PGCKA1: variants seen among roughly 807,000 people sequenced by gnomAD.
PGCKA1 encodes the protein PDCD10 and GCKIII kinases-associated protein 1.
At chr4:37,468,096 G>A in the PGCKA1 span, among the ~76,000 whole-genome samples, 1 of 152,148 alleles carries the variant, frequency 6.6e-6, no homozygotes, top group Non-Finnish European at 1.5e-5. Flanking sequence ...CCAATATCCC[G>A]AACTTCCGGA....
chr4:37,454,815 G>A, the PGCKA1 span, among the ~76,000 whole-genome samples: 1 of 152,128 alleles, frequency 6.6e-6, no homozygotes, highest in Non-Finnish European at 1.5e-5. Flanking sequence ...ACCCCAGCAT[G>A]GCAATTGACC....
the PGCKA1 span, among the ~76,000 whole-genome samples, chr4:37,578,790 C>T: frequency 3.9e-5 from 6 of 152,076 alleles, no homozygotes; most frequent in Non-Finnish European, 5.9e-5. Context: ...TGGCCTGGTG[C>T]GGTGGCCTGT....
At chr4:37,473,819 T>C in the PGCKA1 span, among the ~76,000 whole-genome samples, 1 of 152,114 alleles carries the variant, frequency 6.6e-6, no homozygotes, top group African/African-American at 2.4e-5. Context: ...GATACCCAAA[T>C]GCCTTTCTCC....
At chr4:37,542,535 A>G in the PGCKA1 span, among the ~76,000 whole-genome samples, 1 of 152,204 alleles carries the variant, frequency 6.6e-6, no homozygotes, top group African/African-American at 2.4e-5. Flanking sequence ...AAGAACGTGT[A>G]GATCAGCACT....
the PGCKA1 span, among the ~76,000 whole-genome samples, chr4:37,592,688 C>T: frequency 2.6e-5 from 4 of 151,798 alleles, no homozygotes; most frequent in African/African-American, 7.2e-5. Context: ...TGATTTCCAG[C>T]TTTGCCATGT....
chr4:37,468,277 G>A, the PGCKA1 span, among the ~76,000 whole-genome samples: 2 of 152,174 alleles, frequency 1.3e-5, no homozygotes, highest in East Asian at 3.9e-4. Context: ...TTGACTATGG[G>A]CGTGGAGCAG....
the PGCKA1 span, among the ~76,000 whole-genome samples, chr4:37,548,733 G>T: frequency 2.6e-5 from 4 of 152,036 alleles, no homozygotes; most frequent in Non-Finnish European, 5.9e-5. Flanking sequence ...AGCTTTCTTT[G>T]GTCTAAAAAC....
chr4:37,471,310 A>G, the PGCKA1 span, among the ~76,000 whole-genome samples: 1 of 151,712 alleles, frequency 6.6e-6, no homozygotes, highest in African/African-American at 2.4e-5. Flanking sequence ...ATTGGCTGAA[A>G]CCCAGCTATT....
At chr4:37,469,674 TTA>T in the PGCKA1 span, among the ~76,000 whole-genome samples, 11 of 152,318 alleles carry the variant, frequency 7.2e-5, no homozygotes, top group African/African-American at 1.9e-4. Flanking sequence ...CTGGAAAATT[TTA>T]TGTTTCTCAT....
the PGCKA1 span, among the ~76,000 whole-genome samples, chr4:37,568,980 G>T: frequency 6.6e-6 from 1 of 151,720 alleles, no homozygotes; most frequent in Non-Finnish European, 1.5e-5. Flanking sequence ...GCATGTAGTT[G>T]CAGCTACTCA....
the PGCKA1 span, among the ~76,000 whole-genome samples, chr4:37,585,579 G>A: frequency 4.9e-4 from 14 of 28,538 alleles, no homozygotes; most frequent in South Asian, 1.9e-3. Context: ...GAGAGGAGAG[G>A]TGTTGAGGGA....
chr4:37,539,044 C>G, the PGCKA1 span, among the ~76,000 whole-genome samples: 2,719 of 152,238 alleles, frequency 0.018, 53 homozygotes, highest in Middle Eastern at 0.065. Flanking sequence ...GCACTCGCAC[C>G]TGAATGTGTG....
At chr4:37,455,979 G>C in the PGCKA1 span, among the ~76,000 whole-genome samples, 2 of 152,010 alleles carry the variant, frequency 1.3e-5, no homozygotes, top group Non-Finnish European at 2.9e-5. Context: ...AATTTTTCTG[G>C]TAACCCTGAA....
At chr4:37,511,110 T>G in the PGCKA1 span, among the ~76,000 whole-genome samples, 7 of 151,982 alleles carry the variant, frequency 4.6e-5, no homozygotes, top group African/African-American at 1.4e-4. Context: ...GCAGCGGACT[T>G]TTTCTATCCC....
chr4:37,510,314 T>G, the PGCKA1 span, among the ~76,000 whole-genome samples: 2 of 152,124 alleles, frequency 1.3e-5, no homozygotes, highest in Non-Finnish European at 2.9e-5. Context: ...GTATTTATTA[T>G]AGTCTTTGCT....
the PGCKA1 span, among the ~76,000 whole-genome samples, chr4:37,539,139 G>A: frequency 3.9e-5 from 6 of 152,140 alleles, no homozygotes; most frequent in Non-Finnish European, 5.9e-5. Flanking sequence ...GCCCCCAGCC[G>A]ACCCTGTGAA....
chr4:37,535,247 G>A, the PGCKA1 span, among the ~76,000 whole-genome samples: 3 of 152,312 alleles, frequency 2.0e-5, no homozygotes, highest in East Asian at 5.8e-4. Context: ...CGAGGGCTGG[G>A]CGTGGTGGCT....
chr4:37,489,188 G>C, the PGCKA1 span, among the ~76,000 whole-genome samples: 4 of 152,158 alleles, frequency 2.6e-5, no homozygotes, highest in African/African-American at 7.2e-5. Flanking sequence ...ATAATATGAT[G>C]TCTGTAGTTA....
chr4:37,458,346 C>T, the PGCKA1 span, among the ~76,000 whole-genome samples: 30 of 151,908 alleles, frequency 2.0e-4, no homozygotes, highest in African/African-American at 7.0e-4. Context: ...TGAGAAATTA[C>T]TTATATATTC....
Sources: allele counts gnomAD v4.1 joint callset (sites outside exome capture counted in the v4.1 genomes callset), GRCh38; gene constraint gnomAD v4.1.1; transcripts MANE v1.5; gene names NCBI Gene and HGNC (gene_info 2026-07-23, HGNC 2026-07-21).